Variants in THEMIS observed in about 807,000 individuals in gnomAD.
THEMIS encodes protein THEMIS.
Under a neutral mutation model 52.6 loss-of-function variants are expected in THEMIS, and 37 were observed. The observed-to-expected ratio is 0.70, with a 90% CI of 0.54 to 0.93. The LOEUF (loss-of-function observed/expected upper bound fraction) is 0.93, where lower values mean the gene tolerates loss of function less well. THEMIS is among the 40% of genes least tolerant of loss of function. The probability of loss-of-function intolerance (pLI) is 0.00; values close to 1 mark genes in which losing one functional copy is unlikely to be tolerated. For missense variants in THEMIS, 808 were observed against 763.1 expected (o/e 1.06, Z -0.69); for synonymous variants, 292 against 272.7 (o/e 1.07, Z -0.70).
intron 1 of THEMIS, among the ~76,000 whole-genome samples, chr6:127,875,416 A>G (rs1435372495): frequency 1.3e-5 from 2 of 152,334 alleles, no homozygotes; most frequent in Non-Finnish European, 2.9e-5. Context: ...AACTGCAGAA[A>G]GCCATTAGGG....
At chr6:127,755,591 A>G (rs1775794745) in intron 4 of THEMIS, among the ~76,000 whole-genome samples, 1 of 152,220 alleles carries the variant, frequency 6.6e-6, no homozygotes, top group Non-Finnish European at 1.5e-5. Context: ...GTAACAGTAG[A>G]AAAGAGCAAC....
chr6:127,803,651 T>A (rs1777609231), intron 4 of THEMIS, among the ~76,000 whole-genome samples: 1 of 152,220 alleles, frequency 6.6e-6, no homozygotes, highest in Admixed American at 6.5e-5. Flanking sequence ...GAATTGTTAC[T>A]AAAGAGTTTT....
chr6:127,882,946 A>T (rs1780531132), intron 1 of THEMIS, among the ~76,000 whole-genome samples: 2 of 151,986 alleles, frequency 1.3e-5, no homozygotes, highest in African/African-American at 4.8e-5. Flanking sequence ...GAACTCTCAG[A>T]TGCATCAGAT....
At chr6:127,761,105 CA>C (rs1244184402) in intron 4 of THEMIS, among the ~76,000 whole-genome samples, 1 of 152,082 alleles carries the variant, frequency 6.6e-6, no homozygotes, top group East Asian at 1.9e-4. Flanking sequence ...CTTAAGGAGA[CA>C]TTTCTCCCAA....
intron 1 of THEMIS, among the ~76,000 whole-genome samples, chr6:127,889,206 T>C (rs954369206): frequency 2.0e-5 from 3 of 152,098 alleles, no homozygotes; most frequent in African/African-American, 7.2e-5. Flanking sequence ...CTGTTCCAAA[T>C]TATACATATT....
chr6:127,856,521 A>G (rs1562303482), intron 1 of THEMIS, among the ~76,000 whole-genome samples: 1 of 151,958 alleles, frequency 6.6e-6, no homozygotes, highest in African/African-American at 2.4e-5. Context: ...GCGAGCTACT[A>G]ATGTCCCCAC....
intron 4 of THEMIS, among the ~76,000 whole-genome samples, chr6:127,808,257 A>G (rs1777786459): frequency 6.6e-6 from 1 of 152,182 alleles, no homozygotes; most frequent in South Asian, 2.1e-4. Context: ...AGAATACAGA[A>G]GTTGCATTTC....
chr6:127,848,178 GT>G, intron 2 of THEMIS, among the ~76,000 whole-genome samples: 1 of 148,712 alleles, frequency 6.7e-6, no homozygotes, highest in East Asian at 2.0e-4. Context: ...GCGGTGTTTG[GT>G]TTTTTTGTCC....
chr6:127,820,142 T>C (rs983628492), intron 3 of THEMIS, among the ~76,000 whole-genome samples: 4 of 152,094 alleles, frequency 2.6e-5, no homozygotes, highest in African/African-American at 9.7e-5. Context: ...CAACTAAAAA[T>C]GTTTTTTACA....
chr6:127,711,760 A>G (rs1400282411), intron 5 of THEMIS, among the ~76,000 whole-genome samples: 1 of 152,052 alleles, frequency 6.6e-6, no homozygotes, highest in Non-Finnish European at 1.5e-5. Context: ...AAAAAGGAAT[A>G]ACAGCAATAT....
At chr6:127,720,161 C>T (rs543768460) in intron 4 of THEMIS, among the ~76,000 whole-genome samples, 1 of 151,648 alleles carries the variant, frequency 6.6e-6, no homozygotes, top group East Asian at 1.9e-4. Flanking sequence ...TTAACTAATC[C>T]AGCACTTCAT....
chr6:127,857,478 C>T (rs1050155273), intron 1 of THEMIS, among the ~76,000 whole-genome samples: 1 of 151,940 alleles, frequency 6.6e-6, no homozygotes, highest in African/African-American at 2.4e-5. Flanking sequence ...AAAACAGAGA[C>T]TAGGGAAGTA....
intron 4 of THEMIS, among the ~76,000 whole-genome samples, chr6:127,789,022 C>G (rs1777069876): frequency 1.3e-5 from 2 of 152,046 alleles, no homozygotes; most frequent in South Asian, 4.1e-4. Flanking sequence ...CAAGAAATAA[C>G]TAAGATCAGA....
intron 4 of THEMIS, among the ~76,000 whole-genome samples, chr6:127,783,680 A>C (rs913459887): frequency 6.6e-6 from 1 of 152,230 alleles, no homozygotes; most frequent in Admixed American, 6.5e-5. Flanking sequence ...TCAAAACCAC[A>C]ATGACATACC....
chr6:127,756,516 T>C (rs1775832208), intron 4 of THEMIS, among the ~76,000 whole-genome samples: 1 of 152,210 alleles, frequency 6.6e-6, no homozygotes, highest in Non-Finnish European at 1.5e-5. Flanking sequence ...TACTTTGAAC[T>C]GAAGCTTTTT....
chr6:127,812,913 T>G lies in THEMIS; in HGVS notation c.1728A>C (p.Glu576Asp). The part of the protein sequence containing the change: ...TKLTLLTLAE[E>D]RTVDLPKSPK... ...GAGACTTGGGCAGGTCTACCGTCCT[T>G]TCTTCTGCTAAGGTTAGCAGGGTTA... Residue 576 changes from glutamate to aspartate, a missense_variant, in exon 4 of 6, where the codon GAA becomes GAC. Transcript: ENST00000368248. The G allele has an allele frequency of 6.2e-7, 1 of 1,611,372 alleles. No individual in the cohort carries two copies. The highest frequency in any genetic ancestry group is 1.1e-5 in the South Asian group (1 of 90,732).
chr6:127,842,060 C>T (rs968104469), intron 2 of THEMIS, among the ~76,000 whole-genome samples: 2 of 152,012 alleles, frequency 1.3e-5, no homozygotes, highest in African/African-American at 4.8e-5. Context: ...TTCTGACTTA[C>T]ATTCCTTGCT....
At chr6:127,825,216 CAG>C (rs916979239) in intron 3 of THEMIS, among the ~76,000 whole-genome samples, 1 of 152,010 alleles carries the variant, frequency 6.6e-6, no homozygotes, top group East Asian at 1.9e-4. Flanking sequence ...AAATTAAAGA[CAG>C]AGAGAAGAGA....
At chr6:127,875,888 A>G (rs868309564) in intron 1 of THEMIS, among the ~76,000 whole-genome samples, 5 of 152,212 alleles carry the variant, frequency 3.3e-5, no homozygotes, top group Admixed American at 6.5e-5. Context: ...TCCTCTACAT[A>G]GTTGACATGT....
Sources: allele counts gnomAD v4.1 joint callset (sites outside exome capture counted in the v4.1 genomes callset), GRCh38; gene constraint gnomAD v4.1.1; transcripts MANE v1.5; gene names NCBI Gene and HGNC (gene_info 2026-07-23, HGNC 2026-07-21).